Variants in ZNRF1 observed in about 807,000 individuals in gnomAD.
ZNRF1 encodes the protein zinc and ring finger 1.
Under a neutral mutation model 18.4 loss-of-function variants are expected in ZNRF1, and 3 were observed. The observed-to-expected ratio is 0.16, with a 90% CI of 0.07 to 0.42. The LOEUF is 0.42. Among genes scored for constraint, ZNRF1 ranks in the 10% least tolerant of loss-of-function variants. ZNRF1 has a pLI of 0.99. For synonymous variants in ZNRF1, 157 were observed against 144.2 expected, an observed-to-expected ratio of 1.09 and a Z score of -0.64; for missense variants, 310 against 329.8, an observed-to-expected ratio of 0.94 and a Z score of 0.47.
At chr16:75,040,598 G>GGTT (rs377309192) in intron 1 of ZNRF1, among the ~76,000 whole-genome samples, 1 of 46,356 alleles carries the variant, frequency 2.2e-5, no homozygotes, top group Non-Finnish European at 3.8e-5. Context: ...TTTTTTGTGG[G>GGTT]TTTTTTTTTT....
chr16:74,999,900 C>T lies in ZNRF1; in HGVS notation c.229C>T (p.Arg77Trp). The T allele has an allele frequency of 6.5e-7, 1 of 1,544,360 alleles. No homozygotes were observed. Among genetic ancestry groups the T allele is most frequent in the Non-Finnish European group, 8.7e-7 (1 of 1,147,596 alleles). ...CTTTGGCCTCTACACCCCCGCCTCC[C>T]GGGGCACCGGCGACTCCGAGAGGGC... is the stretch of plus-strand genomic sequence containing the variant. The part of the protein sequence containing the change: ...VPFGLYTPAS[R>W]GTGDSERAPG... The change falls in exon 1 of 5, where the codon CGG (arginine) becomes TGG (tryptophan). Residue 77 changes from arginine (R) to tryptophan (W), a missense_variant. By Grantham distance (101) the Arg-to-Trp change is moderately radical. Transcript: ENST00000335325.
intron 1 of ZNRF1, among the ~76,000 whole-genome samples, chr16:75,011,100 AG>A (rs1266390787): frequency 3.3e-5 from 5 of 152,230 alleles, no homozygotes; most frequent in African/African-American, 9.6e-5. Context: ...CATACTTCTT[AG>A]CTTTTTGGAG....
chr16:75,095,582 A>G, intron 2 of ZNRF1: 1 of 1,534,254 alleles, frequency 6.5e-7, no homozygotes, highest in Non-Finnish European at 8.8e-7. Flanking sequence ...CTCTGTAGAC[A>G]CTGCGTTTGT....
intron 1 of ZNRF1, among the ~76,000 whole-genome samples, chr16:75,082,918 T>C (rs1322311953): frequency 6.6e-5 from 10 of 152,274 alleles, no homozygotes; most frequent in Admixed American, 3.3e-4. Context: ...TATTCATATA[T>C]GTATTTTTCA....
intron 1 of ZNRF1, among the ~76,000 whole-genome samples, chr16:75,029,950 C>T (rs1248122866): frequency 6.6e-6 from 1 of 151,330 alleles, no homozygotes; most frequent in African/African-American, 2.4e-5. Context: ...GTAATCCCAG[C>T]TACTCAAGAG....
chr16:75,050,774 G>T lies in ZNRF1; in HGVS notation c.425-42798G>T, dbSNP rs1418723634. ...TAGTCCCAGCTACTCAGGAGGCTGAGGCAGGAGAATGACATGAACCCGGGA... is the reference window on the plus strand; with the variant it reads ...TAGTCCCAGCTACTCAGGAGGCTGATGCAGGAGAATGACATGAACCCGGGA... On this transcript the variant is annotated intron_variant, in intron 1 of 4. Transcript: ENST00000335325. Among the ~76,000 whole-genome samples the T allele has an allele frequency of 8.8e-5, 13 of 147,926 alleles. No homozygotes were observed. In the Admixed American group the frequency reaches 8.9e-4, roughly 10 times the overall value.
intron 1 of ZNRF1, among the ~76,000 whole-genome samples, chr16:75,023,416 G>C (rs945789397): frequency 6.6e-6 from 1 of 152,186 alleles, no homozygotes; most frequent in Non-Finnish European, 1.5e-5. Flanking sequence ...GGACGCAGTG[G>C]CTCACGCCTG....
chr16:75,061,251 A>AT (rs1296316212), intron 1 of ZNRF1, among the ~76,000 whole-genome samples: 1 of 151,966 alleles, frequency 6.6e-6, no homozygotes, highest in Non-Finnish European at 1.5e-5. Flanking sequence ...GGTCTTATTC[A>AT]TTTTTTCTAT....
chr16:75,086,469 A>G (rs759233120), intron 1 of ZNRF1, among the ~76,000 whole-genome samples: 4 of 152,200 alleles, frequency 2.6e-5, no homozygotes, highest in African/African-American at 9.7e-5. Flanking sequence ...GATGTTCTCT[A>G]GGAGAGACTG....
chr16:75,074,614 C>A (rs2035915336), intron 1 of ZNRF1, among the ~76,000 whole-genome samples: 1 of 152,134 alleles, frequency 6.6e-6, no homozygotes, highest in South Asian at 2.1e-4. Flanking sequence ...ACCAAGACGA[C>A]ACGCTTGAAC....
In ZNRF1 at chr16:74,999,836, A is replaced by AGGCATG; in HGVS notation, c.173_178dup (p.Gly58_Met59dup). On this transcript the variant is annotated inframe_insertion, in exon 1 of 5. Transcript: ENST00000335325. The stretch of plus-strand genomic sequence containing the variant: ...GCAGCCGCTCGGTCAGCTCGGTGGC[A>AGGCATG]GGCATGGGCATGGACCCCAGCACGG... 6.8e-7 allele frequency: 1 copy of AGGCATG among 1,465,630 alleles called. No homozygotes were observed. The highest frequency in any genetic ancestry group is 1.4e-5 in the South Asian group (1 of 73,712). 90.8% of individuals were successfully genotyped at this position (1,465,630 alleles called of 1,614,324 possible).
At position 75,093,578 on chromosome 16, in the gene ZNRF1, A is replaced by G. The variant is rs1432668146; in HGVS notation, c.431A>G (p.Lys144Arg). ...CCATTCTCCTCTCTTTCAGGTTTCA[A>G]GTGCCCCATTTGCTCCAAGTCTGTG... Reference protein sequence around the residue: ...PRWFSSHSGFKCPICSKSVAS... With the variant: ...PRWFSSHSGFRCPICSKSVAS... The change falls in exon 2 of 5, where the codon AAG becomes AGG. Residue 144 changes from lysine to arginine, a missense_variant. By Grantham distance (26) the Lys-to-Arg change is conservative. Around this residue, in one of 2 missense-constraint regions of ZNRF1, gnomAD observed 293 missense variants for 291.2 expected, o/e 1.01. Coordinates refer to ENST00000335325, the MANE Select transcript of ZNRF1 (RefSeq NM_032268.5). 7 of 1,613,584 alleles carry G rather than the reference A, an allele frequency of 4.3e-6. No homozygotes were observed. Among genetic ancestry groups the G allele is most frequent in the South Asian group, 2.2e-5 (2 of 91,076 alleles).
At chr16:75,102,978 A>G (rs1025984647) in intron 2 of ZNRF1, among the ~76,000 whole-genome samples, 3 of 152,250 alleles carry the variant, frequency 2.0e-5, no homozygotes, top group East Asian at 1.9e-4. Flanking sequence ...CCCCAGCTTC[A>G]TCCATCCTCC....
At chr16:75,029,891 CAG>C (rs1298236066) in intron 1 of ZNRF1, among the ~76,000 whole-genome samples, 1 of 151,536 alleles carries the variant, frequency 6.6e-6, no homozygotes, top group Non-Finnish European at 1.5e-5. Flanking sequence ...AAAAATTAGC[CAG>C]GTGAAGAAAA....
chr16:75,029,626 AT>A (rs2035273708), intron 1 of ZNRF1, among the ~76,000 whole-genome samples: 4 of 147,884 alleles, frequency 2.7e-5, no homozygotes. Flanking sequence ...AAAATTAGTC[AT>A]GCATGGTAGC....
intron 1 of ZNRF1, among the ~76,000 whole-genome samples, chr16:75,032,551 A>G (rs1378790874): frequency 6.6e-6 from 1 of 152,202 alleles, no homozygotes; most frequent in Admixed American, 6.5e-5. Context: ...CAAACAAACA[A>G]CAACACAAAG....
At position 74,999,718 on chromosome 16, in the gene ZNRF1, C is replaced by T; in HGVS notation, c.47C>T (p.Pro16Leu). 1 of 1,371,064 alleles carries T rather than the reference C, an allele frequency of 7.3e-7. No individual in the cohort carries two copies. The highest frequency in any genetic ancestry group is 1.5e-5 in the African/African-American group (1 of 64,998). The allele number at this position is 1,371,064 out of a possible 1,614,324, so 84.9% of individuals were successfully genotyped here. A position where few individuals can be genotyped will look rare whatever the true frequency, so the allele number is the denominator to read the frequency against. ...GCGGCCCGCTCCCGGGGCCCCTTCC[C>T]GGGGGTCTCCACCGATGACAGCGCC... ...STAARSRGPF[P>L]GVSTDDSAVP... Residue 16 changes from proline to leucine, a missense_variant, in exon 1 of 5, where the codon CCG becomes CTG. Pro to Leu is a moderately conservative substitution (Grantham distance 98). This residue lies in a region of ZNRF1 where 293 missense variants were observed against 291.2 expected (regional missense o/e 1.01). Coordinates refer to ENST00000335325, the MANE Select transcript of ZNRF1 (RefSeq NM_032268.5).
intron 2 of ZNRF1, chr16:75,095,658 C>T: frequency 6.5e-7 from 1 of 1,550,210 alleles, no homozygotes; most frequent in African/African-American, 1.4e-5. Context: ...TCAGGAAGAA[C>T]TTTGCAAGAG....
chr16:74,999,834 G>T lies in ZNRF1; in HGVS notation c.163G>T (p.Ala55Ser). 2 of 1,465,362 alleles carry T rather than the reference G, an allele frequency of 1.4e-6. No individual in the cohort carries two copies. The highest frequency in any genetic ancestry group is 1.8e-6 in the Non-Finnish European group (2 of 1,112,390). The allele number at this position is 1,465,362 out of a possible 1,614,324, so 90.8% of individuals were successfully genotyped here. A position where few individuals can be genotyped will look rare whatever the true frequency, so the allele number is the denominator to read the frequency against. ...GLRSRSVSSV[A>S]GMGMDPSTAG... Reference sequence around the variant, plus strand: ...GCGCAGCCGCTCGGTCAGCTCGGTGGCAGGCATGGGCATGGACCCCAGCAC... The same window carrying T: ...GCGCAGCCGCTCGGTCAGCTCGGTGTCAGGCATGGGCATGGACCCCAGCAC... Residue 55 changes from alanine to serine, a missense_variant, in exon 1 of 5, where the codon GCA becomes TCA. Ala to Ser is a moderately conservative substitution (Grantham distance 99, BLOSUM62 1). Coordinates refer to ENST00000335325, the MANE Select transcript of ZNRF1 (RefSeq NM_032268.5).
Sources: gnomAD v4.1 joint callset for allele counts (sites outside exome capture counted in the v4.1 genomes callset) on GRCh38, gnomAD v4.1.1 for gene constraint, gnomAD v4.1.1 regional missense constraint, MANE v1.5 for transcripts, NCBI Gene and HGNC (gene_info 2026-07-23, HGNC 2026-07-21) for gene names.